Variants in WIPF3 observed in about 807,000 individuals in gnomAD.
WIPF3 encodes the protein WAS/WASL interacting protein family member 3, also known as WAS/WASL-interacting protein family member 3.
A neutral mutation model predicts 38.9 loss-of-function variants in WIPF3; 33 were observed. The ratio of observed to expected loss-of-function variants is 0.85; its 90% confidence interval spans 0.64 to 1.14. The LOEUF (loss-of-function observed/expected upper bound fraction) is 1.14, where lower values mean the gene tolerates loss of function less well. Among genes scored for constraint, WIPF3 ranks in the 50% most tolerant of loss-of-function variants. The probability of loss-of-function intolerance (pLI) is 0.00; values close to 1 mark genes in which losing one functional copy is unlikely to be tolerated. For missense variants in WIPF3, 711 were observed against 652.5 expected (o/e 1.09, Z -0.98); for synonymous variants, 324 against 269.3 (o/e 1.20, Z -1.99).
At chr7:29,830,262 C>T (rs1303567692) in intron 1 of WIPF3, among the ~76,000 whole-genome samples, 6 of 151,674 alleles carry the variant, frequency 4.0e-5, no homozygotes, top group Admixed American at 1.3e-4. Context: ...AAACCAAGGC[C>T]GCTCAGGTGA....
intron 1 of WIPF3, among the ~76,000 whole-genome samples, chr7:29,811,161 G>A (rs1292155074): frequency 6.6e-6 from 1 of 152,026 alleles, no homozygotes; most frequent in African/African-American, 2.4e-5. Context: ...AAAGTGCTGG[G>A]ATTACAGACA....
intron 8 of WIPF3, among the ~76,000 whole-genome samples, chr7:29,913,941 T>C (rs1786554515): frequency 6.6e-6 from 1 of 152,262 alleles, no homozygotes; most frequent in African/African-American, 2.4e-5. Context: ...AAGTGGATTG[T>C]AGTCTCCTTT....
chr7:29,884,699 G>C, intron 5 of WIPF3, 106 bp downstream of exon 5: 1 of 1,423,530 alleles, frequency 7.0e-7, no homozygotes, highest in Non-Finnish European at 9.2e-7. Context: ...TGGACACCAG[G>C]GGTGAGGGAG....
intron 2 of WIPF3, among the ~76,000 whole-genome samples, chr7:29,850,583 A>G (rs80276910): frequency 6.6e-6 from 1 of 152,190 alleles, no homozygotes; most frequent in Non-Finnish European, 1.5e-5. Context: ...ACGTCACAAC[A>G]TGGGTACCCG....
intron 2 of WIPF3, among the ~76,000 whole-genome samples, chr7:29,868,903 G>A (rs1164709826): frequency 1.3e-5 from 2 of 152,096 alleles, no homozygotes; most frequent in South Asian, 2.1e-4. Flanking sequence ...GACCACCGTC[G>A]TATGTGTGGT....
intron 2 of WIPF3, among the ~76,000 whole-genome samples, chr7:29,847,646 G>A (rs1785021845): frequency 6.6e-6 from 1 of 152,206 alleles, no homozygotes; most frequent in Non-Finnish European, 1.5e-5. Context: ...GACTCCTTCG[G>A]CCTCCCTGAG....
chr7:29,884,188 C>A lies in WIPF3; in HGVS notation c.694C>A (p.Pro232Thr), dbSNP rs772187658. The A allele has an allele frequency of 1.3e-6, 2 of 1,524,186 alleles. No homozygotes were observed. Among genetic ancestry groups the A allele is most frequent in the Non-Finnish European group, 1.8e-6 (2 of 1,131,402 alleles). The allele number at this position is 1,524,186 out of a possible 1,614,324, so 94.4% of individuals were successfully genotyped here. A position where few individuals can be genotyped will look rare whatever the true frequency, so the allele number is the denominator to read the frequency against. ...ACCACCTCCACCTCCGCCACCTCCC[C>A]CAACGCCACCCCCGCTGCCCCCGGC... The part of the protein sequence containing the change: ...APPPPPPPPP[P>T]TPPPLPPASV... Residue 232 changes from proline (P) to threonine (T), a missense_variant, in exon 5 of 9, where the codon CCA (proline) becomes ACA (threonine). Physicochemically the swap from Pro to Thr is conservative, Grantham distance 38 (BLOSUM62 -1). Transcript: ENST00000242140.
intron 2 of WIPF3, among the ~76,000 whole-genome samples, chr7:29,849,415 C>T (rs527283371): frequency 6.6e-6 from 1 of 152,136 alleles, no homozygotes. Flanking sequence ...TGTTCTCTGC[C>T]CTTGTACAAG....
At chr7:29,813,174 C>G (rs1403791394) in intron 1 of WIPF3, among the ~76,000 whole-genome samples, 2 of 152,192 alleles carry the variant, frequency 1.3e-5, no homozygotes, top group Non-Finnish European at 2.9e-5. Flanking sequence ...TCCTCCTTGG[C>G]TCTATCCCAT....
chr7:29,910,046 T>A (rs1165736364), intron 8 of WIPF3, among the ~76,000 whole-genome samples: 1 of 152,162 alleles, frequency 6.6e-6, no homozygotes, highest in Non-Finnish European at 1.5e-5. Flanking sequence ...TAGTCAACAA[T>A]AATTTAATGG....
intron 2 of WIPF3, among the ~76,000 whole-genome samples, chr7:29,851,725 G>A (rs1785101215): frequency 6.6e-6 from 1 of 152,232 alleles, no homozygotes; most frequent in South Asian, 2.1e-4. Context: ...GCATGCTGGT[G>A]CAGGCTGGGC....
chr7:29,910,261 C>G (rs1453407574), intron 8 of WIPF3, among the ~76,000 whole-genome samples: 1 of 152,086 alleles, frequency 6.6e-6, no homozygotes, highest in Non-Finnish European at 1.5e-5. Context: ...AGACTTATAA[C>G]TAGTAAGGAC....
chr7:29,821,327 C>T (rs1020133055), intron 1 of WIPF3, among the ~76,000 whole-genome samples: 1 of 152,132 alleles, frequency 6.6e-6, no homozygotes, highest in Non-Finnish European at 1.5e-5. Context: ...CAGAATCTCA[C>T]TCTGTCACCC....
In WIPF3 at chr7:29,888,141, G is replaced by C. The variant is rs878879953; in HGVS notation, c.1173G>C (p.Lys391Asn). The change falls in exon 6 of 9, where the codon AAG becomes AAC. Residue 391 changes from lysine (K) to asparagine (N), a missense_variant. Lys to Asn is a moderately conservative substitution (Grantham distance 94, BLOSUM62 0). Coordinates refer to ENST00000242140, the MANE Select transcript of WIPF3 (RefSeq NM_001080529.3). The stretch of plus-strand genomic sequence containing the variant: ...CACCTACCACAGAGCTTTCAAGCAA[G>C]AGCCAGCAGGCCACAGCCTGGACCC... ...ARSPTTELSS[K>N]SQQATAWTPT... 1.2e-6 allele frequency: 2 copies of C among 1,613,836 alleles called. No homozygotes were observed. Among genetic ancestry groups the C allele is most frequent in the South Asian group, 2.2e-5 (2 of 91,042 alleles).
rs118160714 is a variant in WIPF3 at position 29,882,126 on chromosome 7, G to T, written c.356-1724G>T. Among the ~76,000 whole-genome samples the T allele has an allele frequency of 1.6e-4, 25 of 152,322 alleles. 1 individual carries two copies. The East Asian group carries it at 4.4e-3, about 27-fold the overall frequency. ...TTTGCCCACATTTCTCATTTGGTTG[G>T]TGGCTTCATCAACACAGGATCCCCT... is the stretch of plus-strand genomic sequence containing the variant. On this transcript the variant is annotated intron_variant, in intron 4 of 8. Transcript: ENST00000242140.
rs369891048 is a variant in WIPF3 at position 29,889,365 on chromosome 7, T to C, written c.1309T>C (p.Tyr437His). 61 of 1,613,860 alleles carry C rather than the reference T, an allele frequency of 3.8e-5. No homozygotes were observed. The highest frequency in any genetic ancestry group is 5.0e-5 in the Non-Finnish European group (59 of 1,179,884). ...SVEDFPPPDE[Y>H]KPCQKIYPSK... Reference sequence around the variant, plus strand: ...GGAAGACTTTCCCCCTCCGGATGAATATAAACCATGCCAGAAGATTTACCC... The same window carrying C: ...GGAAGACTTTCCCCCTCCGGATGAACATAAACCATGCCAGAAGATTTACCC... The change falls in exon 7 of 9, where the codon TAT becomes CAT. Residue 437 changes from tyrosine to histidine, a missense_variant. Tyr to His is a moderately conservative substitution (Grantham distance 83). Coordinates refer to ENST00000242140, the MANE Select transcript of WIPF3 (RefSeq NM_001080529.3).
At position 29,837,866 on chromosome 7, in the gene WIPF3, A is replaced by G. The variant is rs376932648; in HGVS notation, c.90+3052A>G. On this transcript the variant is annotated intron_variant, in intron 2 of 8. Coordinates refer to ENST00000242140, the MANE Select transcript of WIPF3 (RefSeq NM_001080529.3). ...GAACAAATTAAAATAATGAGAAACCATTTTTATCTATCAGTTTAGTGAGAT... is the reference window on the plus strand; with the variant it reads ...GAACAAATTAAAATAATGAGAAACCGTTTTTATCTATCAGTTTAGTGAGAT... Among the ~76,000 whole-genome samples, 50 of 152,238 alleles carry G rather than the reference A, an allele frequency of 3.3e-4. 1 individual carries two copies. In the East Asian group the frequency reaches 6.6e-3, roughly 20 times the overall value.
intron 2 of WIPF3, among the ~76,000 whole-genome samples, chr7:29,856,261 G>A (rs979623476): frequency 1.3e-5 from 2 of 151,804 alleles, no homozygotes; most frequent in African/African-American, 4.8e-5. Flanking sequence ...AAAAACTATG[G>A]TATTTCCTCC....
chr7:29,843,693 C>T (rs957689789), intron 2 of WIPF3, among the ~76,000 whole-genome samples: 4 of 152,166 alleles, frequency 2.6e-5, no homozygotes, highest in South Asian at 4.1e-4. Flanking sequence ...TTCATCTGTA[C>T]GCTGCTGTGC....
Sources: gnomAD v4.1 joint callset for allele counts (sites outside exome capture counted in the v4.1 genomes callset) on GRCh38, gnomAD v4.1.1 for gene constraint, MANE v1.5 for transcripts, NCBI Gene and HGNC (gene_info 2026-07-23, HGNC 2026-07-21) for gene names.